The following LCA5L variants were observed in gnomAD, a reference collection of about 807,000 sequenced individuals.
LCA5L encodes lebercilin LCA5 like, also known as lebercilin-like protein.
Under a neutral mutation model 45.4 loss-of-function variants are expected in LCA5L, and 35 were observed. The observed-to-expected ratio is 0.77, with a 90% CI of 0.59 to 1.02. The LOEUF (loss-of-function observed/expected upper bound fraction) is 1.02, where lower values mean the gene tolerates loss of function less well. Ranked by LOEUF, LCA5L falls within the 50% of genes least tolerant of loss-of-function variation. LCA5L has a pLI of 0.00. For synonymous variants in LCA5L, 233 were observed against 264.7 expected, an observed-to-expected ratio of 0.88 and a Z score of 1.16; for missense variants, 668 against 761.6, an observed-to-expected ratio of 0.88 and a Z score of 1.45.
rs754343618 is a variant in LCA5L at position 39,409,955 on chromosome 21, T to TA, written c.1282+23dup. ...ACAATTTTAAAGAAATCAGATAAGA[T>TA]AGACTTTAAAGAGTTAAAATTACCT... On this transcript the variant is annotated intron_variant, in intron 10 of 10. Transcript: ENST00000288350. The surrounding 1 kb of genome is among the most constrained non-coding windows in gnomAD (Gnocchi z 4.2). The TA allele has an allele frequency of 1.6e-6, 2 of 1,260,258 alleles. No homozygotes were observed. Among genetic ancestry groups the TA allele is most frequent in the Non-Finnish European group, 2.3e-6 (2 of 870,372 alleles). 78.1% of individuals were successfully genotyped at this position (1,260,258 alleles called of 1,614,324 possible). A position where few individuals can be genotyped will look rare whatever the true frequency, so the allele number is the denominator to read the frequency against.
intron 5 of LCA5L, among the ~76,000 whole-genome samples, chr21:39,424,006 T>A (rs576047212): frequency 1.1e-4 from 17 of 152,254 alleles, no homozygotes; most frequent in African/African-American, 2.9e-4. Context: ...ACAATTTTTT[T>A]AAATGTTTAT....
At chr21:39,411,654 TA>T in intron 8 of LCA5L, 63 bp downstream of exon 8, 1 of 793,488 alleles carries the variant, frequency 1.3e-6, no homozygotes, top group Non-Finnish European at 2.0e-6. Context: ...TTTGTCTATA[TA>T]AATTAGGAAA....
At chr21:39,428,598 A>ATATATATAT (rs1242243392) in intron 4 of LCA5L, 95 bp from the exon 5 acceptor site, 1 of 32,034 alleles carries the variant, frequency 3.1e-5, no homozygotes, top group East Asian at 1.4e-3. Context: ...ATATATATAT[A>ATATATATAT]TTTTTTTTTT....
intron 7 of LCA5L, among the ~76,000 whole-genome samples, chr21:39,415,416 G>C (rs1481082199): frequency 2.6e-5 from 4 of 152,096 alleles, no homozygotes; most frequent in Non-Finnish European, 5.9e-5. Flanking sequence ...ACCTCCATGA[G>C]CCCATGAACC....
At chr21:39,411,024 A>C in intron 8 of LCA5L, 4 of 441,060 alleles carry the variant, frequency 9.1e-6, no homozygotes. Flanking sequence ...GAAGAAAAGA[A>C]GACCTCACCA....
At chr21:39,429,311 T>A (rs1329119967) in intron 3 of LCA5L, 100 bp from the exon 4 acceptor site, 1 of 152,228 alleles carries the variant, frequency 6.6e-6, no homozygotes, top group Non-Finnish European at 1.5e-5. Flanking sequence ...TTTTTTGAAG[T>A]CAGTTTCTGC....
In LCA5L at chr21:39,410,199, G is replaced by T. The variant is rs961238762; in HGVS notation, c.1164+65C>A. On this transcript the variant is annotated intron_variant, in intron 9 of 10. Coordinates refer to ENST00000288350, the MANE Select transcript of LCA5L (RefSeq NM_152505.4). ...CAAATACTTTTCACATAGAACAAGT[G>T]ACTGTAGCCTATTTTTGTTAAGACA... 200 of 1,249,640 alleles carry T rather than the reference G, an allele frequency of 1.6e-4. 3 individuals are homozygous for T. In the South Asian group the frequency reaches 2.4e-3, roughly 15 times the overall value. The allele number at this position is 1,249,640 out of a possible 1,614,324, so 77.4% of individuals were successfully genotyped here. A position where few individuals can be genotyped will look rare whatever the true frequency, so the allele number is the denominator to read the frequency against.
chr21:39,410,203 G>T, intron 9 of LCA5L, 61 bp downstream of exon 9: 1 of 1,260,236 alleles, frequency 7.9e-7, no homozygotes. Flanking sequence ...ACAAGTGACT[G>T]TAGCCTATTT....
chr21:39,423,175 A>AGTT lies in LCA5L; in HGVS notation c.635_637dup (p.Gln212dup), dbSNP rs778318956. On this transcript the variant is annotated inframe_insertion, in exon 6 of 11. Coordinates refer to ENST00000288350, the MANE Select transcript of LCA5L (RefSeq NM_152505.4). ...TTCCTTTTCCTGGGATTTCCTAAGT[A>AGTT]GTTGCCTTAAATTTTTTACTTCATT... 1.2e-6 allele frequency: 2 copies of AGTT among 1,613,222 alleles called. No individual in the cohort carries two copies. Among genetic ancestry groups the AGTT allele is most frequent in the Non-Finnish European group, 1.7e-6 (2 of 1,179,690 alleles).
Position 39,419,884 on chromosome 21 carries a change from A to T in LCA5L, c.975+822T>A, listed in dbSNP as rs533315480. ...GAAAGATAGCAAAAAGCCTGACAAA[A>T]TATTTTAAAAATTCTTATTTTTAAA... On this transcript the variant is annotated intron_variant, in intron 7 of 10. Coordinates refer to ENST00000288350, the MANE Select transcript of LCA5L (RefSeq NM_152505.4). 2.0e-5 allele frequency among the ~76,000 whole-genome samples: 3 copies of T among 152,334 alleles called. No homozygotes were observed. In the South Asian group the frequency reaches 6.2e-4, roughly 32 times the overall value.
At position 39,435,490 on chromosome 21, in the gene LCA5L, C is replaced by T. The variant is rs1378494090; in HGVS notation, c.-162G>A. 2 of 152,132 alleles carry T rather than the reference C, an allele frequency of 1.3e-5. No homozygotes were observed. The highest frequency in any genetic ancestry group is 4.8e-5 in the African/African-American group (2 of 41,414). The allele number at this position is 152,132 out of a possible 1,614,324, so 9.4% of individuals were successfully genotyped here. ...GAAGATAAGCACAGGGTTCTTCACA[C>T]TGTAGTATTTATGAGCTTTCCACGG... On this transcript the variant is annotated 5_prime_UTR_variant, in exon 3 of 11. It adds an upstream start codon to the 5' untranslated region. Transcript: ENST00000288350.
At chr21:39,430,243 C>CTTA (rs1223365318) in intron 3 of LCA5L, among the ~76,000 whole-genome samples, 1 of 152,120 alleles carries the variant, frequency 6.6e-6, no homozygotes, top group Non-Finnish European at 1.5e-5. Flanking sequence ...GTTGCTAATC[C>CTTA]GCAAGAAGAA....
intron 6 of LCA5L, 62 bp downstream of exon 6, chr21:39,422,914 A>T: frequency 6.7e-7 from 1 of 1,486,196 alleles, no homozygotes; most frequent in Non-Finnish European, 9.2e-7. Context: ...TCCATGATTA[A>T]TTCACACCCT....
chr21:39,442,886 G>A (rs755895157), intron 2 of LCA5L, among the ~76,000 whole-genome samples: 5 of 152,184 alleles, frequency 3.3e-5, no homozygotes, highest in South Asian at 4.1e-4. Context: ...TGTGCCTTGT[G>A]CTAGATGAAG....
At position 39,423,020 on chromosome 21, in the gene LCA5L, ATAAT is replaced by A; in HGVS notation, c.789_792del (p.Lys263AsnfsTer22). The A allele has an allele frequency of 6.2e-6, 10 of 1,614,068 alleles. No homozygotes were observed. Among genetic ancestry groups the A allele is most frequent in the Non-Finnish European group, 8.5e-6 (10 of 1,179,964 alleles). ...GCGTCCATTTTTGTTGTGATAATAGATAATTTATGAGTGAGTTCTTCCCTTTCTG... is the reference window on the plus strand; with the variant it reads ...GCGTCCATTTTTGTTGTGATAATAGATTATGAGTGAGTTCTTCCCTTTCTG... On this transcript the variant is annotated frameshift_variant, in exon 6 of 11. Coordinates refer to ENST00000288350, the MANE Select transcript of LCA5L (RefSeq NM_152505.4). LOFTEE classifies it high-confidence loss of function.
At chr21:39,414,017 G>C (rs2040577374) in intron 7 of LCA5L, 1 of 152,220 alleles carries the variant, frequency 6.6e-6, no homozygotes, top group African/African-American at 2.4e-5. Context: ...TGGGCACCAC[G>C]ACAGAGCTGG....
intron 3 of LCA5L, among the ~76,000 whole-genome samples, chr21:39,432,494 A>G (rs1287392895): frequency 6.6e-6 from 1 of 152,212 alleles, no homozygotes; most frequent in Admixed American, 6.5e-5. Context: ...TTGGGATACA[A>G]TTCTTTATTT....
rs757951514 is a variant in LCA5L, at chr21:39,410,256, T to C, written c.1164+8A>G. The stretch of plus-strand genomic sequence containing the variant: ...ATCAGACACTGCAAGATTCCAAATT[T>C]GCTGTACCTTAGTTGTCAAAGGTGG... On this transcript the variant is annotated splice_region_variant and intron_variant, in intron 9 of 10. Transcript: ENST00000288350. 6.4e-7 allele frequency: 1 copy of C among 1,562,906 alleles called. No individual in the cohort carries two copies.
rs2039070800 is a variant in LCA5L at position 39,406,371 on chromosome 21, T to C, written c.1524A>G (p.Lys508=). 5.0e-6 allele frequency: 8 copies of C among 1,613,782 alleles called. No individual in the cohort carries two copies. Among genetic ancestry groups the C allele is most frequent in the Non-Finnish European group, 6.8e-6 (8 of 1,179,956 alleles). ...GGCCTTTCGTGTAGGGAGCAGTGCC[T>C]TTGCCAAGTGTGTCATCCACACCAT... The part of the protein sequence containing the change: ...QRNGVDDTLG[K]GTAPYTKGPL... Residue 508 remains lysine (K), a synonymous_variant, in exon 11 of 11, where the codon AAA becomes AAG. Coordinates refer to ENST00000288350, the MANE Select transcript of LCA5L (RefSeq NM_152505.4).
Sources: allele counts gnomAD v4.1 joint callset (sites outside exome capture counted in the v4.1 genomes callset), GRCh38; gene constraint gnomAD v4.1.1; non-coding constraint Gnocchi (gnomAD v3.1); transcripts MANE v1.5; gene names NCBI Gene and HGNC (gene_info 2026-07-23, HGNC 2026-07-21).